ADGRL3: variants seen among roughly 807,000 people sequenced by gnomAD.
ADGRL3 encodes the protein calcium-independent alpha-latrotoxin receptor 3.
A neutral mutation model predicts 153.5 loss-of-function variants in ADGRL3; 62 were observed. The ratio of observed to expected loss-of-function variants is 0.40; its 90% confidence interval spans 0.33 to 0.50. ADGRL3 has a LOEUF of 0.50. Among genes scored for constraint, ADGRL3 ranks in the 20% least tolerant of loss-of-function variants. The probability of loss-of-function intolerance (pLI) is 0.47; values close to 1 mark genes in which losing one functional copy is unlikely to be tolerated. For synonymous variants in ADGRL3, 710 were observed against 672.5 expected (o/e 1.06, Z -0.86); for missense variants, 1,641 against 1,859.4 (o/e 0.88, Z 2.16).
chr4:61,278,556 T>C (rs2093586569), intron 1 of ADGRL3, among the ~76,000 whole-genome samples: 1 of 152,116 alleles, frequency 6.6e-6, no homozygotes, highest in African/African-American at 2.4e-5. Flanking sequence ...CAGGCTGGAG[T>C]GCTGTGGCAT....
intron 6 of ADGRL3, among the ~76,000 whole-genome samples, chr4:61,696,714 C>T (rs1258860786): frequency 3.0e-5 from 4 of 131,178 alleles, no homozygotes; most frequent in South Asian, 2.4e-4. Flanking sequence ...CTCGCTCTCT[C>T]GCCCAGGCTG....
intron 8 of ADGRL3, among the ~76,000 whole-genome samples, chr4:61,766,885 GA>G (rs1240800356): frequency 1.3e-5 from 2 of 152,022 alleles, no homozygotes; most frequent in Non-Finnish European, 2.9e-5. Context: ...TTTGGTTGAT[GA>G]GGCGCAGATC....
At chr4:61,526,362 T>C (rs1218541344) in intron 4 of ADGRL3, among the ~76,000 whole-genome samples, 1 of 152,184 alleles carries the variant, frequency 6.6e-6, no homozygotes, top group Non-Finnish European at 1.5e-5. Context: ...TGAGGAAATA[T>C]GACTAAGTTT....
chr4:61,474,631 C>A (rs1168698918), intron 2 of ADGRL3, among the ~76,000 whole-genome samples: 1 of 151,958 alleles, frequency 6.6e-6, no homozygotes, highest in Non-Finnish European at 1.5e-5. Flanking sequence ...ACAAGAAAGA[C>A]AAATATGAGA....
intron 20 of ADGRL3, among the ~76,000 whole-genome samples, chr4:61,997,477 A>G (rs1403540821): frequency 1.3e-5 from 2 of 151,938 alleles, no homozygotes; most frequent in East Asian, 3.9e-4. Flanking sequence ...GAGGGCTTTT[A>G]TTGCCAAGTT....
At chr4:62,050,178 A>T (rs531451108) in intron 25 of ADGRL3, among the ~76,000 whole-genome samples, 2 of 152,210 alleles carry the variant, frequency 1.3e-5, no homozygotes, top group South Asian at 4.1e-4. Flanking sequence ...TAAAATAATA[A>T]AACTGAATTG....
intron 5 of ADGRL3, among the ~76,000 whole-genome samples, chr4:61,623,686 T>C (rs914918270): frequency 2.0e-5 from 3 of 152,178 alleles, no homozygotes; most frequent in African/African-American, 7.2e-5. Flanking sequence ...CATATGTGTT[T>C]GGCACTTACT....
At chr4:61,725,650 T>A (rs1408628349) in intron 6 of ADGRL3, among the ~76,000 whole-genome samples, 1 of 151,704 alleles carries the variant, frequency 6.6e-6, no homozygotes, top group African/African-American at 2.4e-5. Context: ...CAGTTTTGTA[T>A]GCAAAATTTC....
chr4:61,556,347 A>G (rs1249320500), intron 4 of ADGRL3, among the ~76,000 whole-genome samples: 2 of 152,120 alleles, frequency 1.3e-5, no homozygotes, highest in African/African-American at 2.4e-5. Context: ...CAAGGAGTAC[A>G]AAAGGCTGTG....
At position 61,536,332 on chromosome 4, in the gene ADGRL3, G is replaced by A. The variant is rs561125781; in HGVS notation, c.259+18814G>A. ...GTCAGTTTTAGAGAATCTTCCATGT[G>A]CAGATGAGGAAAATGTATATTCTAC... is the stretch of plus-strand genomic sequence containing the variant. On this transcript the variant is annotated intron_variant, in intron 4 of 26. Coordinates refer to ENST00000683033, the MANE Select transcript of ADGRL3 (RefSeq NM_001387552.1). Among the ~76,000 whole-genome samples, 18 of 152,180 alleles carry A rather than the reference G, an allele frequency of 1.2e-4. No homozygotes were observed. In the South Asian group the frequency reaches 3.5e-3, roughly 30 times the overall value.
At chr4:61,998,735 C>T (rs1354022870) in intron 21 of ADGRL3, among the ~76,000 whole-genome samples, 3 of 151,888 alleles carry the variant, frequency 2.0e-5, no homozygotes, top group African/African-American at 4.8e-5. Flanking sequence ...ACGACCATGC[C>T]CTGCTAATTT....
intron 1 of ADGRL3, among the ~76,000 whole-genome samples, chr4:61,248,636 T>C (rs1309695266): frequency 2.6e-5 from 4 of 152,168 alleles, no homozygotes; most frequent in African/African-American, 9.7e-5. Flanking sequence ...TATCTTATAT[T>C]TGTCTAAAAT....
At chr4:61,319,299 A>T (rs1445491746) in intron 1 of ADGRL3, among the ~76,000 whole-genome samples, 1 of 152,220 alleles carries the variant, frequency 6.6e-6, no homozygotes, top group African/African-American at 2.4e-5. Context: ...CAACCACTTC[A>T]AATAAATCAC....
At chr4:61,783,123 C>T (rs978590787) in intron 8 of ADGRL3, among the ~76,000 whole-genome samples, 4 of 152,114 alleles carry the variant, frequency 2.6e-5, no homozygotes, top group Non-Finnish European at 5.9e-5. Context: ...ACACTAATAT[C>T]AGAGTATTTA....
intron 1 of ADGRL3, among the ~76,000 whole-genome samples, chr4:61,311,822 A>T (rs1414918551): frequency 6.6e-6 from 1 of 152,196 alleles, no homozygotes; most frequent in Non-Finnish European, 1.5e-5. Context: ...TCACATTATT[A>T]TACATTTGTC....
At chr4:61,377,604 T>A (rs994467921) in intron 1 of ADGRL3, among the ~76,000 whole-genome samples, 1 of 152,012 alleles carries the variant, frequency 6.6e-6, no homozygotes, top group African/African-American at 2.4e-5. Flanking sequence ...ATTTTTTTCA[T>A]AGCATAAATA....
intron 2 of ADGRL3, among the ~76,000 whole-genome samples, chr4:61,429,659 A>G (rs1298293897): frequency 6.6e-6 from 1 of 152,092 alleles, no homozygotes; most frequent in African/African-American, 2.4e-5. Context: ...TCAATAAATG[A>G]TTACATTTTT....
chr4:61,894,767 C>T (rs2098616154), intron 10 of ADGRL3, among the ~76,000 whole-genome samples: 1 of 152,150 alleles, frequency 6.6e-6, no homozygotes, highest in Non-Finnish European at 1.5e-5. Flanking sequence ...TGAATTATTG[C>T]AATAGCTTCC....
At chr4:61,472,136 G>A (rs2097964387) in intron 2 of ADGRL3, among the ~76,000 whole-genome samples, 1 of 152,002 alleles carries the variant, frequency 6.6e-6, no homozygotes, top group Non-Finnish European at 1.5e-5. Context: ...GGAAAACATG[G>A]TTCATATGAT....
Sources: allele counts gnomAD v4.1 joint callset (sites outside exome capture counted in the v4.1 genomes callset), GRCh38; gene constraint gnomAD v4.1.1; transcripts MANE v1.5; gene names NCBI Gene and HGNC (gene_info 2026-07-23, HGNC 2026-07-21).